The following HDAC9 variants were observed in gnomAD, a reference collection of about 807,000 sequenced individuals.
HDAC9 encodes MEF-2 interacting transcription repressor (MITR) protein.
Under a neutral mutation model 139.4 loss-of-function variants are expected in HDAC9, and 41 were observed. The observed-to-expected ratio is 0.29, with a 90% confidence interval of 0.23 to 0.38. The LOEUF is 0.38. Among genes scored for constraint, HDAC9 ranks in the 10% least tolerant of loss-of-function variants. The pLI, the probability that HDAC9 is intolerant of heterozygous loss-of-function variation, is 1.00. For synonymous variants in HDAC9, 517 were observed against 476.2 expected (o/e 1.09, Z -1.12); for missense variants, 1,147 against 1,297.0 (o/e 0.88, Z 1.78).
intron 21 of HDAC9, among the ~76,000 whole-genome samples, chr7:18,859,573 GC>G (rs1216970029): frequency 4.0e-5 from 6 of 150,648 alleles, no homozygotes; most frequent in Non-Finnish European, 8.9e-5. Flanking sequence ...ACTTGATGAT[GC>G]TGCCTTCCTC....
chr7:18,733,946 T>TA (rs1321726426), intron 13 of HDAC9, among the ~76,000 whole-genome samples: 3 of 152,182 alleles, frequency 2.0e-5, no homozygotes, highest in African/African-American at 4.8e-5. Flanking sequence ...CTTGTTAATT[T>TA]AAAAAAATCA....
At chr7:18,216,364 A>T (rs1430158370) in intron 2 of HDAC9, among the ~76,000 whole-genome samples, 1 of 152,126 alleles carries the variant, frequency 6.6e-6, no homozygotes, top group Non-Finnish European at 1.5e-5. Flanking sequence ...TGCCATCCCA[A>T]TATTTTCAAA....
At chr7:18,453,233 T>C (rs1793042602) in intron 1 of HDAC9, among the ~76,000 whole-genome samples, 1 of 152,178 alleles carries the variant, frequency 6.6e-6, no homozygotes, top group Non-Finnish European at 1.5e-5. Context: ...TTACTTCTTA[T>C]GTATTTCTTA....
chr7:18,351,272 AT>A (rs1418677515), intron 1 of HDAC9, among the ~76,000 whole-genome samples: 1 of 152,126 alleles, frequency 6.6e-6, no homozygotes, highest in Non-Finnish European at 1.5e-5. Context: ...GATAGTTAAC[AT>A]TTTTCCATGT....
At chr7:18,896,046 C>T (rs949339424) in intron 22 of HDAC9, among the ~76,000 whole-genome samples, 1 of 151,762 alleles carries the variant, frequency 6.6e-6, no homozygotes, top group East Asian at 1.9e-4. Context: ...TCATTAATGC[C>T]GAAGGGAAAC....
intron 12 of HDAC9, among the ~76,000 whole-genome samples, chr7:18,687,322 A>C (rs1297323706): frequency 1.3e-5 from 2 of 151,842 alleles, no homozygotes; most frequent in African/African-American, 4.8e-5. Flanking sequence ...TGCACTGGCC[A>C]TGCCAGATCC....
At chr7:18,463,426 A>G (rs1305248740) in intron 1 of HDAC9, among the ~76,000 whole-genome samples, 1 of 151,786 alleles carries the variant, frequency 6.6e-6, no homozygotes, top group East Asian at 1.9e-4. Context: ...TTGTTTTATG[A>G]CTATTCAAAT....
intron 2 of HDAC9, among the ~76,000 whole-genome samples, chr7:18,566,773 G>A (rs1822502660): frequency 6.6e-6 from 1 of 152,160 alleles, no homozygotes. Flanking sequence ...TTCATTACTT[G>A]TTCTTTAAAA....
intron 22 of HDAC9, among the ~76,000 whole-genome samples, chr7:18,877,028 A>G (rs1799370754): frequency 6.6e-6 from 1 of 152,138 alleles, no homozygotes; most frequent in Non-Finnish European, 1.5e-5. Context: ...GATGCACACT[A>G]CAGAGAACAT....
intron 7 of HDAC9, among the ~76,000 whole-genome samples, chr7:18,632,025 C>A (rs1562662598): frequency 6.6e-6 from 1 of 151,146 alleles, no homozygotes; most frequent in East Asian, 1.9e-4. Flanking sequence ...ATTGGTAAGA[C>A]AGAATGTTTA....
At chr7:18,096,561 A>G (rs528886189) in intron 1 of HDAC9, among the ~76,000 whole-genome samples, 8 of 152,322 alleles carry the variant, frequency 5.3e-5, no homozygotes, top group Non-Finnish European at 7.4e-5. Flanking sequence ...ACAGTTGCAA[A>G]TGTTAATTGG....
At position 18,793,582 on chromosome 7, in the gene HDAC9, GC is replaced by G. The variant is rs1440192494; in HGVS notation, c.2322+132del. On this transcript the variant is annotated intron_variant, in intron 17 of 25. Transcript: ENST00000686413. ...GGGCAGAAGGAAGAGGGTAGAGATG[GC>G]CACTAAGGTGTGATAATAACTCATC... is the stretch of plus-strand genomic sequence containing the variant. The G allele has an allele frequency of 8.7e-6, 6 of 686,496 alleles. 1 individual carries two copies. The highest frequency in any genetic ancestry group is 1.3e-5 in the Non-Finnish European group (5 of 381,546). 42.5% of individuals were successfully genotyped at this position (686,496 alleles called of 1,614,324 possible). A position where few individuals can be genotyped will look rare whatever the true frequency, so the allele number is the denominator to read the frequency against.
chr7:18,211,942 A>G (rs1791966568), intron 2 of HDAC9, among the ~76,000 whole-genome samples: 1 of 152,170 alleles, frequency 6.6e-6, no homozygotes, highest in Non-Finnish European at 1.5e-5. Flanking sequence ...GGAGTGAACG[A>G]AGGGGAAAGT....
intron 1 of HDAC9, among the ~76,000 whole-genome samples, chr7:18,356,501 C>A (rs1562911494): frequency 1.3e-5 from 2 of 151,102 alleles, no homozygotes; most frequent in Admixed American, 1.3e-4. Context: ...TATAGTGACT[C>A]CTGCGAATGA....
At chr7:18,511,980 C>T (rs1162007237) in intron 2 of HDAC9, among the ~76,000 whole-genome samples, 2 of 140,552 alleles carry the variant, frequency 1.4e-5, no homozygotes, top group African/African-American at 2.7e-5. Context: ...GGAAAAAAGT[C>T]TATCAGTGAA....
At chr7:18,589,929 T>A (rs1262582133) in intron 3 of HDAC9, among the ~76,000 whole-genome samples, 1 of 152,190 alleles carries the variant, frequency 6.6e-6, no homozygotes, top group Non-Finnish European at 1.5e-5. Context: ...CACCATTTTT[T>A]AGGCTAAGAA....
At chr7:18,614,903 A>G (rs915477790) in intron 6 of HDAC9, among the ~76,000 whole-genome samples, 8 of 152,230 alleles carry the variant, frequency 5.3e-5, no homozygotes, top group Non-Finnish European at 1.2e-4. Flanking sequence ...TTCATGAATA[A>G]CAGCACAAGC....
intron 22 of HDAC9, among the ~76,000 whole-genome samples, chr7:18,888,760 A>G (rs1386512096): frequency 3.3e-5 from 5 of 152,346 alleles, no homozygotes; most frequent in Non-Finnish European, 7.3e-5. Context: ...TATTTTAATG[A>G]TAGAAGTGAA....
At chr7:18,697,536 C>A (rs1387064549) in intron 12 of HDAC9, among the ~76,000 whole-genome samples, 3 of 152,094 alleles carry the variant, frequency 2.0e-5, no homozygotes, top group South Asian at 2.1e-4. Context: ...GTAAATATTT[C>A]TTCCTTTGGG....
Sources: allele counts gnomAD v4.1 joint callset (sites outside exome capture counted in the v4.1 genomes callset), GRCh38; gene constraint gnomAD v4.1.1; transcripts MANE v1.5; gene names NCBI Gene and HGNC (gene_info 2026-07-23, HGNC 2026-07-21).